The following TPMT variants were observed in gnomAD, a reference collection of about 807,000 sequenced individuals.
TPMT encodes S-adenosyl-L-methionine:thiopurine S-methyltransferase.
A neutral mutation model predicts 34.2 loss-of-function variants in TPMT; 18 were observed. The observed-to-expected ratio is 0.53, with a 90% CI of 0.36 to 0.78. TPMT has a LOEUF of 0.78. TPMT is among the 30% of genes least tolerant of loss of function. The pLI, the probability that TPMT is intolerant of heterozygous loss-of-function variation, is 0.00. For missense variants in TPMT, 265 were observed against 288.1 expected, an observed-to-expected ratio of 0.92 and a Z score of 0.58; for synonymous variants, 69 against 92.4, an observed-to-expected ratio of 0.75 and a Z score of 1.45.
At chr6:18,147,678 C>T in intron 3 of TPMT, 145 bp downstream of exon 3, 2 of 683,736 alleles carry the variant, frequency 2.9e-6, no homozygotes, top group Non-Finnish European at 2.6e-6. Flanking sequence ...ATATTATTTC[C>T]AATTATATAC....
At position 18,131,688 on chromosome 6, in the gene TPMT, C is replaced by T. The variant is rs1245313376; in HGVS notation, c.625+445G>A. Among the ~76,000 whole-genome samples the T allele has an allele frequency of 6.6e-6, 1 of 152,126 alleles. No individual in the cohort carries two copies. Among genetic ancestry groups the T allele is most frequent in the African/African-American group, 2.4e-5 (1 of 41,446 alleles). On this transcript the variant is annotated intron_variant, in intron 8 of 8. Coordinates refer to ENST00000309983, the MANE Select transcript of TPMT (RefSeq NM_000367.5). The surrounding 1 kb of genome is among the most constrained non-coding windows in gnomAD (Gnocchi z 4.3). ...AGAGCATATTTACAGAGATTAGTTCCTTTTCTAAGATAAAACAACTTTCAA... is the reference window on the plus strand; with the variant it reads ...AGAGCATATTTACAGAGATTAGTTCTTTTTCTAAGATAAAACAACTTTCAA...
Position 18,150,595 on chromosome 6 carries a change from T to A in TPMT, c.-44-1424A>T, listed in dbSNP as rs115878684. ...CTTTATTTCATGTCTTCCTCTTTTT[T>A]TTGTTGTTATTTTTTAGTGACCACG... On this transcript the variant is annotated intron_variant, in intron 1 of 8. Coordinates refer to ENST00000309983, the MANE Select transcript of TPMT (RefSeq NM_000367.5). This position sits in a 1 kb window ranked among gnomAD's most constrained non-coding sequence, Gnocchi z 5.3. Among the ~76,000 whole-genome samples the A allele has an allele frequency of 5.2e-3, 794 of 152,346 alleles. 6 individuals carry two copies. Among genetic ancestry groups the A allele is most frequent in the African/African-American group, 0.018 (748 of 41,586 alleles).
chr6:18,142,827 C>T (rs1241060717), intron 4 of TPMT, among the ~76,000 whole-genome samples: 1 of 152,096 alleles, frequency 6.6e-6, no homozygotes, highest in South Asian at 2.1e-4. Context: ...GAACTCATCG[C>T]TCCTTTGGTC....
intron 3 of TPMT, among the ~76,000 whole-genome samples, chr6:18,147,299 T>C (rs1784266454): frequency 6.6e-6 from 1 of 152,230 alleles, no homozygotes; most frequent in Non-Finnish European, 1.5e-5. Flanking sequence ...ATTCTCTTTG[T>C]AGAGAATTAC....
At position 18,148,127 on chromosome 6, in the gene TPMT, G is replaced by C. The variant is rs1300606406; in HGVS notation, c.141-212C>G. Among the ~76,000 whole-genome samples the C allele has an allele frequency of 6.6e-6, 1 of 152,034 alleles. No individual in the cohort carries two copies. Among genetic ancestry groups the C allele is most frequent in the African/African-American group, 2.4e-5 (1 of 41,380 alleles). The stretch of plus-strand genomic sequence containing the variant: ...CTTACACCCAGGGCTTTCCTGATTA[G>C]TAATTAAAAATAATTTTTTTTTCTT... On this transcript the variant is annotated intron_variant, in intron 2 of 8. Transcript: ENST00000309983. The surrounding 1 kb of genome is among the most constrained non-coding windows in gnomAD (Gnocchi z 4.1).
chr6:18,143,700 C>T lies in TPMT; in HGVS notation c.262G>A (p.Gly88Ser), dbSNP rs753545734. 1.2e-5 allele frequency: 20 copies of T among 1,613,904 alleles called. 1 individual carries two copies. The highest frequency in any genetic ancestry group is 1.7e-5 in the Non-Finnish European group (20 of 1,180,006). Residue 88 changes from glycine to serine, a missense_variant, in exon 4 of 9, where the codon GGT becomes AGT. Gly to Ser is a moderately conservative substitution (Grantham distance 56). Transcript: ENST00000309983. The surrounding 1 kb of genome is among the most constrained non-coding windows in gnomAD (Gnocchi z 6.1). ...WFADRGHSVV[G>S]VEISELGIQE... ...ATCCCAAGTTCACTGATTTCCACAC[C>T]AACTACACTGTGTCCCCGGTCTGCA...
rs2842947 is a variant in TPMT, at chr6:18,132,591, C to A, written c.581-414G>T. ...CGCCCCCTTCTAAGAGCAGTATCCTCAGACTCCACCTCCAGACAGGGCCTG... is the reference window on the plus strand; with the variant it reads ...CGCCCCCTTCTAAGAGCAGTATCCTAAGACTCCACCTCCAGACAGGGCCTG... On this transcript the variant is annotated intron_variant, in intron 7 of 8. Transcript: ENST00000309983. The surrounding 1 kb of genome is among the most constrained non-coding windows in gnomAD (Gnocchi z 4.8). Among the ~76,000 whole-genome samples the A allele has an allele frequency of 6.6e-6, 1 of 151,888 alleles. No individual in the cohort carries two copies. The highest frequency in any genetic ancestry group is 6.6e-5 in the Admixed American group (1 of 15,238).
chr6:18,151,077 C>A (rs1784344802), intron 1 of TPMT, among the ~76,000 whole-genome samples: 1 of 152,074 alleles, frequency 6.6e-6, no homozygotes, highest in South Asian at 2.1e-4. Context: ...AATCTTCTGA[C>A]CCGGTATGGT....
At chr6:18,152,185 A>C (rs1417988303) in intron 1 of TPMT, among the ~76,000 whole-genome samples, 2 of 152,118 alleles carry the variant, frequency 1.3e-5, no homozygotes, top group Non-Finnish European at 2.9e-5. Flanking sequence ...GCATTTGGGG[A>C]TTCTGTATTG....
At chr6:18,142,204 CT>C (rs529615967) in intron 4 of TPMT, among the ~76,000 whole-genome samples, 20 of 148,508 alleles carry the variant, frequency 1.3e-4, no homozygotes, top group Admixed American at 3.4e-4. Context: ...TTCTCTTTCT[CT>C]TTTTTTTTTG....
In TPMT at chr6:18,154,244, A is replaced by G. The variant is rs1396355386; in HGVS notation, c.-45+789T>C. Among the ~76,000 whole-genome samples the G allele has an allele frequency of 6.6e-6, 1 of 152,224 alleles. No homozygotes were observed. The highest frequency in any genetic ancestry group is 1.5e-5 in the Non-Finnish European group (1 of 68,044). On this transcript the variant is annotated intron_variant, in intron 1 of 8. Transcript: ENST00000309983. The surrounding 1 kb of genome is among the most constrained non-coding windows in gnomAD (Gnocchi z 4.2). ...AAAGTTTATTTCTATAATACAAAAA[A>G]AGTGCACATTACAAGAATTAAGGAA... is the stretch of plus-strand genomic sequence containing the variant.
In TPMT at chr6:18,143,966, T is replaced by G. The variant is rs2150715774; in HGVS notation, c.234-238A>C. Among the ~76,000 whole-genome samples, 1 of 152,292 alleles carries G rather than the reference T, an allele frequency of 6.6e-6. No individual in the cohort carries two copies. Among genetic ancestry groups the G allele is most frequent in the Admixed American group, 6.5e-5 (1 of 15,298 alleles). ...ATAAAAATTTGGAAAATTATATATA[T>G]CTTTTTTTATGTATGAAACAGTTGG... On this transcript the variant is annotated intron_variant, in intron 3 of 8. Transcript: ENST00000309983. This position sits in a 1 kb window ranked among gnomAD's most constrained non-coding sequence, Gnocchi z 6.1.
At position 18,131,147 on chromosome 6, in the gene TPMT, C is replaced by T. The variant is rs369874865; in HGVS notation, c.626-367G>A. Among the ~76,000 whole-genome samples, 46 of 152,276 alleles carry T rather than the reference C, an allele frequency of 3.0e-4. No individual in the cohort carries two copies. Among genetic ancestry groups the T allele is most frequent in the African/African-American group, 1.0e-3 (42 of 41,572 alleles). On this transcript the variant is annotated intron_variant, in intron 8 of 8. Coordinates refer to ENST00000309983, the MANE Select transcript of TPMT (RefSeq NM_000367.5). This position sits in a 1 kb window ranked among gnomAD's most constrained non-coding sequence, Gnocchi z 4.3. ...GAGCGAAACTCCATCTCAAAACAAA[C>T]AAACAAAACCTTGAAATTATTTTAA...
At position 18,131,381 on chromosome 6, in the gene TPMT, CCA is replaced by C. The variant is rs1783936792; in HGVS notation, c.626-603_626-602del. On this transcript the variant is annotated intron_variant, in intron 8 of 8. Transcript: ENST00000309983. The surrounding 1 kb of genome is among the most constrained non-coding windows in gnomAD (Gnocchi z 4.3). ...ATCACTTGAGCCCAGGAGTTCGAGACCAGCCTGGGCAATGTGGTTAAACCCCA... is the reference window on the plus strand; with the variant it reads ...ATCACTTGAGCCCAGGAGTTCGAGACGCCTGGGCAATGTGGTTAAACCCCA... Among the ~76,000 whole-genome samples the C allele has an allele frequency of 6.6e-6, 1 of 152,076 alleles. No homozygotes were observed. The highest frequency in any genetic ancestry group is 1.9e-4 in the East Asian group (1 of 5,178).
At position 18,139,721 on chromosome 6, in the gene TPMT, T is replaced by C. The variant is rs2150712985; in HGVS notation, c.367-4A>G. On this transcript the variant is annotated splice_polypyrimidine_tract_variant and splice_region_variant and intron_variant, in intron 4 of 8. Coordinates refer to ENST00000309983, the MANE Select transcript of TPMT (RefSeq NM_000367.5). The surrounding 1 kb of genome is among the most constrained non-coding windows in gnomAD (Gnocchi z 4.2). The stretch of plus-strand genomic sequence containing the variant: ...ATGAAATGTTCCCCGAAGAACTCTG[T>C]AATGAAATAATGAAAAAAAAATTTT... 1 of 1,580,480 alleles carries C rather than the reference T, an allele frequency of 6.3e-7. No individual in the cohort carries two copies. Among genetic ancestry groups the C allele is most frequent in the East Asian group, 2.3e-5 (1 of 43,336 alleles).
In TPMT at chr6:18,139,644, C is replaced by T; in HGVS notation, c.419+21G>A. Reference sequence around the variant, plus strand: ...GCAAGCATTCAAATTTTTTAAAGTGCAGATGTAGTATTCAACCTACCTGGG... The same window carrying T: ...GCAAGCATTCAAATTTTTTAAAGTGTAGATGTAGTATTCAACCTACCTGGG... On this transcript the variant is annotated intron_variant, in intron 5 of 8. Coordinates refer to ENST00000309983, the MANE Select transcript of TPMT (RefSeq NM_000367.5). This position sits in a 1 kb window ranked among gnomAD's most constrained non-coding sequence, Gnocchi z 4.2. The T allele has an allele frequency of 7.5e-6, 12 of 1,605,508 alleles. No homozygotes were observed. Among genetic ancestry groups the T allele is most frequent in the South Asian group, 1.1e-5 (1 of 90,858 alleles).
Position 18,130,645 on chromosome 6 carries a change from A to C in TPMT, c.*23T>G, listed in dbSNP as rs369942870. 2.0e-6 allele frequency: 3 copies of C among 1,470,810 alleles called. No homozygotes were observed. In the African/African-American group the frequency reaches 4.2e-5, roughly 20 times the overall value. The allele number at this position is 1,470,810 out of a possible 1,614,324, so 91.1% of individuals were successfully genotyped here. ...AATTCCTCAAAAACATGTCAGTGTG[A>C]TTTTATTTTATCTATGTCTCATTTA... On this transcript the variant is annotated 3_prime_UTR_variant, in exon 9 of 9. Coordinates refer to ENST00000309983, the MANE Select transcript of TPMT (RefSeq NM_000367.5). The surrounding 1 kb of genome is among the most constrained non-coding windows in gnomAD (Gnocchi z 4.2).
rs1784423054 is a variant in TPMT, at chr6:18,154,159, T to G, written c.-45+874A>C. Among the ~76,000 whole-genome samples, 1 of 152,172 alleles carries G rather than the reference T, an allele frequency of 6.6e-6. No individual in the cohort carries two copies. Among genetic ancestry groups the G allele is most frequent in the South Asian group, 2.1e-4 (1 of 4,830 alleles). On this transcript the variant is annotated intron_variant, in intron 1 of 8. Coordinates refer to ENST00000309983, the MANE Select transcript of TPMT (RefSeq NM_000367.5). This position sits in a 1 kb window ranked among gnomAD's most constrained non-coding sequence, Gnocchi z 4.2. ...TCTCAAACTCCTGGGCTCAACGTCTTAGCTGTTCTAACAGTTTCTCAGCAT... is the reference window on the plus strand; with the variant it reads ...TCTCAAACTCCTGGGCTCAACGTCTGAGCTGTTCTAACAGTTTCTCAGCAT...
At chr6:18,141,761 A>C (rs1190614186) in intron 4 of TPMT, among the ~76,000 whole-genome samples, 1 of 152,236 alleles carries the variant, frequency 6.6e-6, no homozygotes, top group Non-Finnish European at 1.5e-5. Context: ...GTTAAGAAGA[A>C]ATTACTAAGG....
Sources: gnomAD v4.1 joint callset for allele counts (sites outside exome capture counted in the v4.1 genomes callset) on GRCh38, gnomAD v4.1.1 for gene constraint, Gnocchi (gnomAD v3.1) non-coding constraint, MANE v1.5 for transcripts, NCBI Gene and HGNC (gene_info 2026-07-23, HGNC 2026-07-21) for gene names.